The following NBAS variants were observed in gnomAD, a reference collection of about 807,000 sequenced individuals.
The protein encoded by NBAS is NAG/BC035112 fusion.
Under a neutral mutation model 302.5 loss-of-function variants are expected in NBAS, and 219 were observed. The observed-to-expected ratio is 0.72, with a 90% CI of 0.65 to 0.81. The LOEUF (loss-of-function observed/expected upper bound fraction) is 0.81, where lower values mean the gene tolerates loss of function less well. Ranked by LOEUF, NBAS falls within the 30% of genes least tolerant of loss-of-function variation. NBAS has a pLI of 0.00. For synonymous variants in NBAS, 1,118 were observed against 1,021.6 expected (o/e 1.09, Z -1.80); for missense variants, 2,932 against 2,841.6 (o/e 1.03, Z -0.72).
chr2:15,195,235 C>G (rs1665562863), intron 48 of NBAS, among the ~76,000 whole-genome samples: 3 of 152,112 alleles, frequency 2.0e-5, no homozygotes, highest in Admixed American at 2.0e-4. Flanking sequence ...GTGATTGGGT[C>G]ACGAGAGTGA....
intron 12 of NBAS, among the ~76,000 whole-genome samples, chr2:15,487,880 A>G (rs946193427): frequency 1.3e-5 from 2 of 152,346 alleles, no homozygotes; most frequent in African/African-American, 4.8e-5. Context: ...TGTGGAGATC[A>G]TATTAACTTC....
chr2:15,503,242 TA>T (rs1661664082), intron 11 of NBAS, among the ~76,000 whole-genome samples: 1 of 152,142 alleles, frequency 6.6e-6, no homozygotes, highest in Non-Finnish European at 1.5e-5. Flanking sequence ...CTTTTTTTTT[TA>T]GTAAGTAGAA....
chr2:15,277,214 C>T (rs1669626774), intron 42 of NBAS, 113 bp from the exon 43 acceptor site: 6 of 1,344,916 alleles, frequency 4.5e-6, no homozygotes, highest in South Asian at 2.8e-5. Flanking sequence ...TTCCTGCCTA[C>T]TCAAAGACAG....
chr2:15,146,407 G>C, the NBAS span, among the ~76,000 whole-genome samples: 1 of 152,120 alleles, frequency 6.6e-6, no homozygotes, highest in African/African-American at 2.4e-5. Context: ...TACAAGACCA[G>C]AAGAAACCTT....
At chr2:15,104,369 C>T in the NBAS span, among the ~76,000 whole-genome samples, 9 of 152,094 alleles carry the variant, frequency 5.9e-5, no homozygotes, top group Non-Finnish European at 1.0e-4. Flanking sequence ...TGTAACTATG[C>T]CTTCATTCAA....
At chr2:14,790,027 G>T in the NBAS span, among the ~76,000 whole-genome samples, 1 of 152,218 alleles carries the variant, frequency 6.6e-6, no homozygotes, top group African/African-American at 2.4e-5. Context: ...GCCAGGCACA[G>T]AATATGGATT....
At chr2:14,976,142 A>C in the NBAS span, among the ~76,000 whole-genome samples, 1 of 152,234 alleles carries the variant, frequency 6.6e-6, no homozygotes, top group Admixed American at 6.5e-5. Context: ...TGAAGTAATA[A>C]CTGGAACACG....
At chr2:15,482,029 A>G (rs1680448085) in intron 12 of NBAS, among the ~76,000 whole-genome samples, 1 of 152,228 alleles carries the variant, frequency 6.6e-6, no homozygotes, top group African/African-American at 2.4e-5. Flanking sequence ...TTTCCCCTTC[A>G]GTCTATCACC....
At chr2:15,288,053 T>G (rs1670135934) in intron 41 of NBAS, among the ~76,000 whole-genome samples, 1 of 152,208 alleles carries the variant, frequency 6.6e-6, no homozygotes. Context: ...AGCCAAGAAC[T>G]GTCCAGTCAG....
intron 38 of NBAS, among the ~76,000 whole-genome samples, chr2:15,311,928 T>C (rs1028620225): frequency 3.9e-5 from 6 of 152,064 alleles, no homozygotes; most frequent in African/African-American, 1.2e-4. Flanking sequence ...TACAAATGAG[T>C]GGTCTGCCCC....
At chr2:15,467,436 T>TA in intron 18 of NBAS, 29 bp from the exon 19 acceptor site, 1 of 1,539,462 alleles carries the variant, frequency 6.5e-7, no homozygotes, top group African/African-American at 1.4e-5. Context: ...TTAGGCCACT[T>TA]ATATTTACAC....
At chr2:15,237,401 T>C (rs1667642434) in intron 45 of NBAS, among the ~76,000 whole-genome samples, 1 of 151,934 alleles carries the variant, frequency 6.6e-6, no homozygotes, top group Non-Finnish European at 1.5e-5. Flanking sequence ...ACAATTTTAG[T>C]AGTCAAAAAA....
At chr2:14,817,476 G>A in the NBAS span, among the ~76,000 whole-genome samples, 1 of 152,148 alleles carries the variant, frequency 6.6e-6, no homozygotes. Flanking sequence ...CTAAGAACAG[G>A]CTCCTGTTTA....
chr2:14,975,431 TG>T, the NBAS span, among the ~76,000 whole-genome samples: 7 of 152,212 alleles, frequency 4.6e-5, no homozygotes, highest in Non-Finnish European at 8.8e-5. Context: ...CAACACCCAT[TG>T]ATACTACTTC....
At chr2:14,844,414 C>G in the NBAS span, among the ~76,000 whole-genome samples, 1 of 152,174 alleles carries the variant, frequency 6.6e-6, no homozygotes. Context: ...AGTAGTTCAT[C>G]GAGGGCCTTG....
At chr2:14,968,843 G>C in the NBAS span, among the ~76,000 whole-genome samples, 1 of 152,062 alleles carries the variant, frequency 6.6e-6, no homozygotes, top group African/African-American at 2.4e-5. Flanking sequence ...TCACTGCTAG[G>C]TATATATCAA....
chr2:15,455,521 T>C (rs1396616910), intron 21 of NBAS, among the ~76,000 whole-genome samples: 1 of 152,078 alleles, frequency 6.6e-6, no homozygotes, highest in Admixed American at 6.6e-5. Context: ...AAGCAATAAG[T>C]ATATGAAGTA....
At chr2:15,438,091 T>C (rs554941711) in intron 21 of NBAS, among the ~76,000 whole-genome samples, 2 of 152,382 alleles carry the variant, frequency 1.3e-5, no homozygotes, top group South Asian at 4.1e-4. Flanking sequence ...TGCTTATTTG[T>C]TGTTCGCAGT....
At chr2:15,154,127 G>A in the NBAS span, among the ~76,000 whole-genome samples, 1 of 152,134 alleles carries the variant, frequency 6.6e-6, no homozygotes, top group South Asian at 2.1e-4. Context: ...ATTGAGGCTG[G>A]GCTAATGTAT....
Sources: gnomAD v4.1 joint callset for allele counts (sites outside exome capture counted in the v4.1 genomes callset) on GRCh38, gnomAD v4.1.1 for gene constraint, MANE v1.5 for transcripts, NCBI Gene and HGNC (gene_info 2026-07-23, HGNC 2026-07-21) for gene names.